RPS6KA5: variants seen among roughly 807,000 people sequenced by gnomAD.
RPS6KA5 encodes the protein ribosomal protein S6 kinase alpha-5.
Under a neutral mutation model 85.5 loss-of-function variants are expected in RPS6KA5, and 27 were observed. That is an observed-to-expected ratio of 0.32 (90% CI 0.23 to 0.44). The LOEUF is 0.44. Among genes scored for constraint, RPS6KA5 ranks in the 20% least tolerant of loss-of-function variants. The pLI, the probability that RPS6KA5 is intolerant of heterozygous loss-of-function variation, is 1.00. For missense variants in RPS6KA5, 811 were observed against 980.9 expected (o/e 0.83, Z 2.31); for synonymous variants, 334 against 348.2 (o/e 0.96, Z 0.46).
rs2039660169 is a variant in RPS6KA5, at chr14:90,978,522, A to T, written c.178T>A (p.Tyr60Asn). The change falls in exon 3 of 17, where the codon TAT (tyrosine) becomes AAT (asparagine). Residue 60 changes from tyrosine (Y) to asparagine (N), a missense_variant and splice_region_variant. Physicochemically the swap from Tyr to Asn is moderately radical, Grantham distance 143. Transcript: ENST00000614987. ...ELLKVLGTGA[Y>N]GKVFLVRKIS... ...TTACGAACTAGAAATACTTTTCCAT[A>T]AGCTGAAAATGAAAAGAAAAAATAA... The T allele has an allele frequency of 1.3e-6, 2 of 1,575,416 alleles. No individual in the cohort carries two copies. The highest frequency in any genetic ancestry group is 2.7e-5 in the African/African-American group (2 of 73,260).
intron 1 of RPS6KA5, among the ~76,000 whole-genome samples, chr14:91,054,686 C>T (rs1407596715): frequency 1.3e-5 from 2 of 151,300 alleles, no homozygotes; most frequent in Non-Finnish European, 2.9e-5. Flanking sequence ...CACAGTGGCT[C>T]ACACCTACAA....
At chr14:90,904,053 C>T (rs1469727588) in intron 8 of RPS6KA5, among the ~76,000 whole-genome samples, 2 of 152,024 alleles carry the variant, frequency 1.3e-5, no homozygotes, top group Non-Finnish European at 2.9e-5. Context: ...GAGTTCACGC[C>T]ATTCTCCTGC....
intron 3 of RPS6KA5, among the ~76,000 whole-genome samples, chr14:90,949,823 G>C (rs917308622): frequency 6.6e-6 from 1 of 152,194 alleles, no homozygotes; most frequent in Non-Finnish European, 1.5e-5. Context: ...CATTTACTGG[G>C]AGATTGCGAA....
chr14:90,904,295 G>C (rs1047084603), intron 8 of RPS6KA5, among the ~76,000 whole-genome samples: 1 of 152,080 alleles, frequency 6.6e-6, no homozygotes, highest in African/African-American at 2.4e-5. Flanking sequence ...CACTGCGCCT[G>C]GCCCATAAAA....
At chr14:90,987,030 A>G (rs929225267) in intron 2 of RPS6KA5, among the ~76,000 whole-genome samples, 1 of 152,244 alleles carries the variant, frequency 6.6e-6, no homozygotes, top group Non-Finnish European at 1.5e-5. Context: ...TTTACACTAG[A>G]GAGACAATGT....
At chr14:91,037,023 A>C (rs1486284546) in intron 1 of RPS6KA5, among the ~76,000 whole-genome samples, 2 of 152,204 alleles carry the variant, frequency 1.3e-5, no homozygotes, top group African/African-American at 4.8e-5. Flanking sequence ...CTTAAGAGAG[A>C]GCTAACAGAA....
At chr14:90,965,114 G>A (rs941124361) in intron 3 of RPS6KA5, among the ~76,000 whole-genome samples, 4 of 151,946 alleles carry the variant, frequency 2.6e-5, no homozygotes, top group African/African-American at 4.8e-5. Flanking sequence ...TTCTCGTATC[G>A]GCTGGGCGCT....
At chr14:90,947,414 C>T (rs774015750) in intron 4 of RPS6KA5, 21 bp downstream of exon 4, 11 of 1,382,802 alleles carry the variant, frequency 8.0e-6, no homozygotes, top group Non-Finnish European at 1.0e-5. Flanking sequence ...GAAAAGAAAC[C>T]TGAAAAATGA....
intron 3 of RPS6KA5, among the ~76,000 whole-genome samples, chr14:90,947,813 AAT>A (rs2037951196): frequency 6.6e-6 from 1 of 152,206 alleles, no homozygotes; most frequent in South Asian, 2.1e-4. Flanking sequence ...CATATATTTA[AAT>A]ATGTTTTCTC....
chr14:90,942,659 C>T (rs536793803), intron 5 of RPS6KA5, among the ~76,000 whole-genome samples: 38 of 152,176 alleles, frequency 2.5e-4, no homozygotes, highest in African/African-American at 5.5e-4. Flanking sequence ...TCTTGTCAAG[C>T]GAATTCAAAG....
intron 14 of RPS6KA5, among the ~76,000 whole-genome samples, chr14:90,885,605 G>T (rs374431385): frequency 6.3e-5 from 6 of 95,514 alleles, no homozygotes; most frequent in African/African-American, 2.1e-4. Context: ...AGACGGGCGA[G>T]GTGGCGGGCG....
intron 3 of RPS6KA5, among the ~76,000 whole-genome samples, chr14:90,974,094 C>A (rs2039455075): frequency 6.9e-6 from 1 of 144,046 alleles, no homozygotes; most frequent in African/African-American, 2.5e-5. Flanking sequence ...ATTTTCACTT[C>A]TAGGAGAAAA....
chr14:90,875,143 T>A (rs2033371026), intron 15 of RPS6KA5, 58 bp downstream of exon 15: 1 of 1,493,336 alleles, frequency 6.7e-7, no homozygotes, highest in African/African-American at 1.4e-5. Context: ...GTAATGGCCA[T>A]GATTCTACTT....
In RPS6KA5 at chr14:91,021,211, A is replaced by G. The variant is rs115004817; in HGVS notation, c.104-20052T>C. On this transcript the variant is annotated intron_variant, in intron 1 of 16. Transcript: ENST00000614987. ...CTTACTATAATGGTTACAATGGAGT[A>G]ACTTTCTGACTCTTCCACTTCTTCC... 2.4e-3 allele frequency among the ~76,000 whole-genome samples: 367 copies of G among 152,336 alleles called. 1 individual carries two copies. The highest frequency in any genetic ancestry group is 8.4e-3 in the African/African-American group (348 of 41,572).
At chr14:91,005,719 T>C (rs1028087135) in intron 1 of RPS6KA5, among the ~76,000 whole-genome samples, 5 of 152,240 alleles carry the variant, frequency 3.3e-5, no homozygotes, top group African/African-American at 1.2e-4. Flanking sequence ...CATGAAAGTC[T>C]AAAAATAAAT....
chr14:90,920,342 T>G (rs368429882), intron 6 of RPS6KA5, 33 bp from the exon 7 acceptor site: 2 of 1,333,078 alleles, frequency 1.5e-6, no homozygotes, highest in African/African-American at 2.9e-5. Context: ...TTTTATAGAA[T>G]TATCAACTAA....
intron 14 of RPS6KA5, among the ~76,000 whole-genome samples, chr14:90,878,522 A>C (rs893044384): frequency 6.6e-6 from 1 of 152,244 alleles, no homozygotes; most frequent in Non-Finnish European, 1.5e-5. Context: ...CATGGAACAA[A>C]AGCTCTTCTA....
At chr14:90,887,876 C>T (rs1270450722) in intron 14 of RPS6KA5, among the ~76,000 whole-genome samples, 2 of 134,786 alleles carry the variant, frequency 1.5e-5, no homozygotes, top group Non-Finnish European at 3.1e-5. Flanking sequence ...GTAGGAGGAT[C>T]ACTTGAGCCT....
In RPS6KA5 at chr14:90,859,274, A is replaced by G. The variant is rs2140108447; in HGVS notation, c.*12800T>C. Reference sequence around the variant, plus strand: ...GAAAACATAACCATCTTAGAGGAAGATAACATCGTTCAAAGCCCCTACAGT... The same window carrying G: ...GAAAACATAACCATCTTAGAGGAAGGTAACATCGTTCAAAGCCCCTACAGT... On this transcript the variant is annotated 3_prime_UTR_variant, in exon 17 of 17. Transcript: ENST00000614987. 6.6e-6 allele frequency: 1 copy of G among 152,374 alleles called. No individual in the cohort carries two copies. Among genetic ancestry groups the G allele is most frequent in the Admixed American group, 6.5e-5 (1 of 15,306 alleles). The allele number at this position is 152,374 out of a possible 1,614,324, so 9.4% of individuals were successfully genotyped here. A position where few individuals can be genotyped will look rare whatever the true frequency, so the allele number is the denominator to read the frequency against.
Sources: allele counts gnomAD v4.1 joint callset (sites outside exome capture counted in the v4.1 genomes callset), GRCh38; gene constraint gnomAD v4.1.1; transcripts MANE v1.5; gene names NCBI Gene and HGNC (gene_info 2026-07-23, HGNC 2026-07-21).